Variants in CFAP77 observed in about 807,000 individuals in gnomAD.
The protein encoded by CFAP77 is cilia- and flagella-associated protein 77.
A neutral mutation model predicts 31.1 loss-of-function variants in CFAP77; 25 were observed. The ratio of observed to expected loss-of-function variants is 0.80; its 90% confidence interval spans 0.59 to 1.12. The LOEUF (loss-of-function observed/expected upper bound fraction) is 1.12. CFAP77 is among the 50% of genes most tolerant of loss of function. The pLI is 0.00. For synonymous variants in CFAP77, 151 were observed against 159.9 expected (o/e 0.94, Z 0.42); for missense variants, 377 against 397.3 (o/e 0.95, Z 0.44).
chr9:132,454,929 C>A (rs1850887252), intron 1 of CFAP77, among the ~76,000 whole-genome samples: 1 of 152,150 alleles, frequency 6.6e-6, no homozygotes, highest in East Asian at 1.9e-4. Flanking sequence ...CTTTCAAAGT[C>A]CCCTTAAGTC....
chr9:132,417,137 C>T (rs112348453), intron 1 of CFAP77, among the ~76,000 whole-genome samples: 1,551 of 139,906 alleles, frequency 0.011, 35 homozygotes, highest in African/African-American at 0.04. Flanking sequence ...TTTTTTGAGA[C>T]GGAGTCTCAC....
intron 1 of CFAP77, among the ~76,000 whole-genome samples, chr9:132,465,433 T>C (rs1407958890): frequency 6.6e-6 from 1 of 152,196 alleles, no homozygotes; most frequent in Non-Finnish European, 1.5e-5. Context: ...TGGAGTATGA[T>C]ACAGCCAGGA....
chr9:132,520,270 T>G (rs1334835467), intron 3 of CFAP77, among the ~76,000 whole-genome samples: 2 of 152,198 alleles, frequency 1.3e-5, no homozygotes, highest in Non-Finnish European at 2.9e-5. Context: ...TATTGAGGTG[T>G]AATTTCCAGA....
intron 4 of CFAP77, among the ~76,000 whole-genome samples, chr9:132,541,270 C>A (rs1198203129): frequency 2.0e-5 from 3 of 152,194 alleles, no homozygotes; most frequent in Non-Finnish European, 4.4e-5. Context: ...CTCAGCAAAC[C>A]CTGCAAGAAC....
chr9:132,434,743 C>T (rs533286159), intron 1 of CFAP77, among the ~76,000 whole-genome samples: 2 of 152,252 alleles, frequency 1.3e-5, no homozygotes, highest in African/African-American at 2.4e-5. Context: ...GCAGTGCAAA[C>T]GGATATAGGA....
chr9:132,461,768 C>G (rs188468358), intron 1 of CFAP77, among the ~76,000 whole-genome samples: 2 of 152,312 alleles, frequency 1.3e-5, no homozygotes, highest in African/African-American at 4.8e-5. Flanking sequence ...TGTGTGCGGG[C>G]AATGCTTTGT....
At chr9:132,509,661 C>T (rs928012284) in intron 3 of CFAP77, among the ~76,000 whole-genome samples, 14 of 152,062 alleles carry the variant, frequency 9.2e-5, no homozygotes, top group Admixed American at 5.9e-4. Flanking sequence ...CCCAGCTACT[C>T]GGGAGGCTGA....
chr9:132,520,106 C>T (rs1411052371), intron 3 of CFAP77, among the ~76,000 whole-genome samples: 1 of 147,886 alleles, frequency 6.8e-6, no homozygotes, highest in African/African-American at 2.5e-5. Flanking sequence ...CACTCTGCTA[C>T]ACCGCAACAG....
At chr9:132,411,272 C>T (rs1252386951) in intron 1 of CFAP77, among the ~76,000 whole-genome samples, 4 of 152,148 alleles carry the variant, frequency 2.6e-5, no homozygotes, top group African/African-American at 9.7e-5. Flanking sequence ...TTTAAAAATG[C>T]GCCCCGCGTC....
intron 5 of CFAP77, among the ~76,000 whole-genome samples, chr9:132,547,053 A>G (rs919591010): frequency 6.6e-6 from 1 of 152,114 alleles, no homozygotes; most frequent in Admixed American, 6.5e-5. Flanking sequence ...TGGGACATGA[A>G]CTCATTTTCT....
At chr9:132,433,499 C>T (rs979717406) in intron 1 of CFAP77, among the ~76,000 whole-genome samples, 1 of 152,072 alleles carries the variant, frequency 6.6e-6, no homozygotes, top group East Asian at 1.9e-4. Flanking sequence ...CCTGAGATGC[C>T]ACTTCACTAC....
intron 1 of CFAP77, among the ~76,000 whole-genome samples, chr9:132,468,809 A>ACACGCGCACACACACACACG (rs113183746): frequency 6.7e-6 from 1 of 149,160 alleles, no homozygotes. Context: ...ACACACACAC[A>ACACGCGCACACACACACACG]CGCACGCACA....
intron 1 of CFAP77, among the ~76,000 whole-genome samples, chr9:132,482,066 C>T (rs1340441191): frequency 6.6e-6 from 1 of 150,946 alleles, no homozygotes; most frequent in Non-Finnish European, 1.5e-5. Context: ...AGTAACCAAA[C>T]AGAATGATCC....
At chr9:132,516,634 A>G (rs1852152310) in intron 3 of CFAP77, among the ~76,000 whole-genome samples, 1 of 149,610 alleles carries the variant, frequency 6.7e-6, no homozygotes, top group East Asian at 2.0e-4. Flanking sequence ...AGTATGGGCG[A>G]AATCAGGGAA....
At chr9:132,537,211 G>C (rs952317581) in intron 3 of CFAP77, among the ~76,000 whole-genome samples, 2 of 152,078 alleles carry the variant, frequency 1.3e-5, no homozygotes, top group Non-Finnish European at 2.9e-5. Flanking sequence ...AGATATCAGG[G>C]GTGCAGGTGA....
intron 1 of CFAP77, among the ~76,000 whole-genome samples, chr9:132,416,641 C>CTT (rs753121257): frequency 0.018 from 2,211 of 123,156 alleles, 92 homozygotes; most frequent in African/African-American, 0.064. Context: ...CCACACTGGG[C>CTT]TTTTTTTTTT....
chr9:132,482,874 G>T (rs941276578), intron 1 of CFAP77, among the ~76,000 whole-genome samples: 9 of 150,204 alleles, frequency 6.0e-5, no homozygotes, highest in Admixed American at 5.3e-4. Flanking sequence ...AATGGGTGCA[G>T]TACACCAGCA....
At position 132,572,692 on chromosome 9, in the gene CFAP77, A is replaced by C; in HGVS notation, c.*182A>C. On this transcript the variant is annotated 3_prime_UTR_variant, in exon 6 of 6. Transcript: ENST00000393216. The stretch of plus-strand genomic sequence containing the variant: ...AGTCCCCCCTTTTAGGTTAGCCAAC[A>C]TTAGTCTCCACTTAGCCCCAGTGAC... The C allele has an allele frequency of 1.6e-6, 1 of 626,292 alleles. No homozygotes were observed. Among genetic ancestry groups the C allele is most frequent in the Non-Finnish European group, 2.7e-6 (1 of 371,388 alleles). The allele number at this position is 626,292 out of a possible 1,614,324, so 38.8% of individuals were successfully genotyped here.
Position 132,497,087 on chromosome 9 carries a change from G to T in CFAP77, c.196-1608G>T, listed in dbSNP as rs1851755471. ...CCTTGAGCAAAGAGCAATGGAGGTGGCTGGGATGCCTGCGATCCTTCAGAT... is the reference window on the plus strand; with the variant it reads ...CCTTGAGCAAAGAGCAATGGAGGTGTCTGGGATGCCTGCGATCCTTCAGAT... On this transcript the variant is annotated intron_variant, in intron 1 of 5. Coordinates refer to ENST00000393216, the MANE Select transcript of CFAP77 (RefSeq NM_001282957.2). This position sits in a 1 kb window ranked among gnomAD's most constrained non-coding sequence, Gnocchi z 4.9. Among the ~76,000 whole-genome samples the T allele has an allele frequency of 6.6e-6, 1 of 152,114 alleles. No homozygotes were observed. Among genetic ancestry groups the T allele is most frequent in the Non-Finnish European group, 1.5e-5 (1 of 68,032 alleles).
Sources: allele counts gnomAD v4.1 joint callset (sites outside exome capture counted in the v4.1 genomes callset), GRCh38; gene constraint gnomAD v4.1.1; non-coding constraint Gnocchi (gnomAD v3.1); transcripts MANE v1.5; gene names NCBI Gene and HGNC (gene_info 2026-07-23, HGNC 2026-07-21).